The following CEP192 variants were observed in gnomAD, a reference collection of about 807,000 sequenced individuals.
CEP192 encodes centrosomal protein 192.
Under a neutral mutation model 271.8 loss-of-function variants are expected in CEP192, and 151 were observed. The observed-to-expected ratio is 0.56, with a 90% CI of 0.49 to 0.64. The LOEUF (loss-of-function observed/expected upper bound fraction) is 0.64, where lower values mean the gene tolerates loss of function less well. CEP192 is among the 30% of genes least tolerant of loss of function. CEP192 has a pLI of 0.00. For synonymous variants in CEP192, 995 were observed against 1,076.5 expected, an observed-to-expected ratio of 0.92 and a Z score of 1.48; for missense variants, 2,910 against 3,020.5, an observed-to-expected ratio of 0.96 and a Z score of 0.86.
intron 32 of CEP192, chr18:13,088,874 A>G (rs1179272988): frequency 2.3e-6 from 1 of 444,004 alleles, no homozygotes; most frequent in South Asian, 1.6e-5. Context: ...TTGGAAATAG[A>G]AACTGACATT....
At chr18:12,994,307 T>C (rs1329858330) in intron 1 of CEP192, among the ~76,000 whole-genome samples, 3 of 151,992 alleles carry the variant, frequency 2.0e-5, no homozygotes, top group African/African-American at 7.3e-5. Flanking sequence ...TAAATTGAGG[T>C]GAACGTCAGG....
At chr18:13,045,358 GTAGGAGA>G (rs1329101317) in intron 15 of CEP192, among the ~76,000 whole-genome samples, 1 of 152,172 alleles carries the variant, frequency 6.6e-6, no homozygotes, top group African/African-American at 2.4e-5. Context: ...TGGGATACGT[GTAGGAGA>G]TTTTCTGGTT....
chr18:13,071,472 C>CTG (rs2038011244), intron 28 of CEP192, among the ~76,000 whole-genome samples: 1 of 152,172 alleles, frequency 6.6e-6, no homozygotes, highest in African/African-American at 2.4e-5. Flanking sequence ...CACTGCCACT[C>CTG]TGTATTTTTC....
Position 13,092,547 on chromosome 18 carries a change from ATC to A in CEP192, c.6254+22_6254+23del, listed in dbSNP as rs773684821. 6.4e-7 allele frequency: 1 copy of A among 1,559,872 alleles called. No individual in the cohort carries two copies. The highest frequency in any genetic ancestry group is 8.7e-7 in the Non-Finnish European group (1 of 1,152,138). On this transcript the variant is annotated intron_variant, in intron 34 of 44. Coordinates refer to ENST00000506447, the MANE Select transcript of CEP192 (RefSeq NM_032142.4). ...TACAAGGTAAAATAAATGAACAGAA[ATC>A]TTTCACCAGATTTCAGGATGATTCG...
At chr18:13,044,925 G>C (rs1257790508) in intron 15 of CEP192, among the ~76,000 whole-genome samples, 2 of 152,076 alleles carry the variant, frequency 1.3e-5, no homozygotes, top group Non-Finnish European at 2.9e-5. Flanking sequence ...TTTACTTGCA[G>C]ATTCAATTTC....
chr18:13,004,252 C>T (rs57770092), intron 3 of CEP192, among the ~76,000 whole-genome samples: 19,307 of 151,422 alleles, frequency 0.13, 1,816 homozygotes, highest in African/African-American at 0.26. Context: ...AGCAGAGAAA[C>T]GAGGTTATGA....
chr18:13,038,719 C>G (rs964805198), intron 13 of CEP192, 140 bp downstream of exon 13: 64 of 662,076 alleles, frequency 9.7e-5, no homozygotes, highest in South Asian at 7.4e-4. Context: ...CATCATCAGT[C>G]AGACCTTTAC....
chr18:13,022,616 A>G (rs962081534), intron 9 of CEP192, among the ~76,000 whole-genome samples: 2 of 152,062 alleles, frequency 1.3e-5, no homozygotes, highest in African/African-American at 4.8e-5. Flanking sequence ...TCTGATTTCA[A>G]ACGATCCACC....
intron 17 of CEP192, among the ~76,000 whole-genome samples, chr18:13,051,025 C>G (rs1457029905): frequency 6.6e-6 from 1 of 152,176 alleles, no homozygotes; most frequent in Non-Finnish European, 1.5e-5. Flanking sequence ...TTTACTGTCC[C>G]TATGGAAGAC....
At chr18:13,066,779 C>G (rs1207864278) in intron 21 of CEP192, among the ~76,000 whole-genome samples, 1 of 152,126 alleles carries the variant, frequency 6.6e-6, no homozygotes, top group South Asian at 2.1e-4. Flanking sequence ...CCTCACCCTG[C>G]TCACAACAAG....
At chr18:13,104,643 G>T (rs750448911) in intron 39 of CEP192, among the ~76,000 whole-genome samples, 3 of 152,088 alleles carry the variant, frequency 2.0e-5, no homozygotes, top group Admixed American at 6.6e-5. Context: ...TTAAAAACTG[G>T]TATTGCATAA....
At chr18:13,106,535 C>T (rs1326957551) in intron 40 of CEP192, among the ~76,000 whole-genome samples, 2 of 149,924 alleles carry the variant, frequency 1.3e-5, no homozygotes, top group African/African-American at 2.5e-5. Flanking sequence ...ACCACCACCA[C>T]CTCCCCCATC....
At chr18:13,030,024 TAG>T (rs1293159532) in intron 10 of CEP192, 22 bp downstream of exon 10, 1 of 1,481,828 alleles carries the variant, frequency 6.7e-7, no homozygotes, top group Admixed American at 2.1e-5. Context: ...TTTTAAAAAA[TAG>T]AGTGAAAGAA....
chr18:13,100,182 C>T (rs2039638080), intron 37 of CEP192, 123 bp from the exon 38 acceptor site: 2 of 675,834 alleles, frequency 3.0e-6, no homozygotes, highest in South Asian at 1.9e-5. Flanking sequence ...ACTTTAATTC[C>T]TAAATTTATT....
chr18:13,028,794 A>G (rs1371072640), intron 9 of CEP192, among the ~76,000 whole-genome samples: 1 of 152,210 alleles, frequency 6.6e-6, no homozygotes, highest in Non-Finnish European at 1.5e-5. Context: ...TGCTGGGATT[A>G]CAGGTGTGAG....
rs2040435135 is a variant in CEP192, at chr18:13,116,457, G to A, written c.7370G>A (p.Arg2457Gln). ...CGGCCGACTAGTGTGGGGGAATCAC[G>A]GACACTTAAAGTCAATCTGCGAAAT... is the stretch of plus-strand genomic sequence containing the variant. The part of the protein sequence containing the change: ...RFRPTSVGES[R>Q]TLKVNLRNNS... The change falls in exon 43 of 45, where the codon CGG (arginine) becomes CAG (glutamine). Residue 2457 changes from arginine to glutamine, a missense_variant. Transcript: ENST00000506447. 1.2e-6 allele frequency: 2 copies of A among 1,611,208 alleles called. No homozygotes were observed. Among genetic ancestry groups the A allele is most frequent in the Non-Finnish European group, 1.7e-6 (2 of 1,179,012 alleles).
Position 13,017,320 on chromosome 18 carries a change from C to G in CEP192, c.773C>G (p.Thr258Arg). 6.5e-7 allele frequency: 1 copy of G among 1,544,434 alleles called. No homozygotes were observed. Among genetic ancestry groups the G allele is most frequent in the Non-Finnish European group, 8.7e-7 (1 of 1,144,892 alleles). ...CCAGAAAAAGGTTTTAAGTTACCTA[C>G]AAATGGTCTTAGACAGGTGTGTTCC... ...EPPEKGFKLP[T>R]NGLRQANENG... The change falls in exon 7 of 45, where the codon ACA becomes AGA. Residue 258 changes from threonine to arginine, a missense_variant. Physicochemically the swap from Thr to Arg is moderately conservative, Grantham distance 71. Transcript: ENST00000506447.
chr18:13,002,018 A>G (rs1036000271), intron 3 of CEP192, among the ~76,000 whole-genome samples: 1 of 152,220 alleles, frequency 6.6e-6, no homozygotes, highest in Admixed American at 6.5e-5. Context: ...GCGCCCGGCC[A>G]AGAGTTTTCT....
chr18:13,098,736 T>A (rs1390043382), intron 36 of CEP192, among the ~76,000 whole-genome samples: 2 of 119,556 alleles, frequency 1.7e-5, no homozygotes, highest in Non-Finnish European at 3.6e-5. Context: ...TCCCAGATGA[T>A]GGGCGGCCAG....
Sources: gnomAD v4.1 joint callset for allele counts (sites outside exome capture counted in the v4.1 genomes callset) on GRCh38, gnomAD v4.1.1 for gene constraint, MANE v1.5 for transcripts, NCBI Gene and HGNC (gene_info 2026-07-23, HGNC 2026-07-21) for gene names.